Variants in PCDHGB3 observed in about 807,000 individuals in gnomAD.
PCDHGB3 encodes protocadherin gamma subfamily B, 3, also known as protocadherin gamma-B3.
In PCDHGB3, 40 loss-of-function variants were observed where a neutral mutation model predicts 59.2. The ratio of observed to expected loss-of-function variants is 0.68; its 90% confidence interval spans 0.52 to 0.88. The LOEUF is 0.88. PCDHGB3 is among the 40% of genes least tolerant of loss of function. PCDHGB3 has a pLI of 0.00. For missense variants in PCDHGB3, 1,309 were observed against 1,187.9 expected (o/e 1.10, Z -1.50); for synonymous variants, 581 against 503.6 (o/e 1.15, Z -2.06).
chr5:141,433,564 G>A (rs1380905062), intron 1 of PCDHGB3, among the ~76,000 whole-genome samples: 1 of 152,042 alleles, frequency 6.6e-6, no homozygotes, highest in Non-Finnish European at 1.5e-5. Flanking sequence ...GGCTGGGCGC[G>A]GTGGCTCACG....
intron 1 of PCDHGB3, chr5:141,400,525 G>T: frequency 1.2e-6 from 2 of 1,613,908 alleles, no homozygotes; most frequent in Non-Finnish European, 1.7e-6. Flanking sequence ...TCCTGAGTTG[G>T]TGAGTTTCAT....
Position 141,490,151 on chromosome 5 carries a change from T to A in PCDHGB3, c.2416-4656T>A, listed in dbSNP as rs1449636059. 6.2e-6 allele frequency: 10 copies of A among 1,614,210 alleles called. No homozygotes were observed. The highest frequency in any genetic ancestry group is 8.5e-6 in the Non-Finnish European group (10 of 1,180,018). On this transcript the variant is annotated intron_variant, in intron 1 of 3. Transcript: ENST00000576222. This position sits in a 1 kb window ranked among gnomAD's most constrained non-coding sequence, Gnocchi z 5.4. ...GACCCTAGCAGTGGGGCAATCCATG[T>A]GTTGGGTCCCATAGACTTTGAGGAG... is the stretch of plus-strand genomic sequence containing the variant.
At chr5:141,465,144 T>A (rs965605798) in intron 1 of PCDHGB3, among the ~76,000 whole-genome samples, 4 of 152,008 alleles carry the variant, frequency 2.6e-5, no homozygotes, top group Admixed American at 6.6e-5. Flanking sequence ...TTAGGGGATA[T>A]ATGAAGGGAC....
Position 141,432,587 on chromosome 5 carries a change from A to C in PCDHGB3, c.2415+59778A>C. ...CGCCTGGCTGTCCTACCGTCTGCTC[A>C]AGGCCAGCGAGCCGGGACTCTTCTC... On this transcript the variant is annotated intron_variant, in intron 1 of 3. Transcript: ENST00000576222. This position sits in a 1 kb window ranked among gnomAD's most constrained non-coding sequence, Gnocchi z 6.0. 1.9e-6 allele frequency: 3 copies of C among 1,613,250 alleles called. No individual in the cohort carries two copies. Among genetic ancestry groups the C allele is most frequent in the Non-Finnish European group, 2.5e-6 (3 of 1,179,918 alleles).
At chr5:141,428,185 G>A (rs775261215) in intron 1 of PCDHGB3, 1 of 1,446,348 alleles carries the variant, frequency 6.9e-7, no homozygotes, top group Admixed American at 1.8e-5. Context: ...GAGGACAGCC[G>A]CCGCTCTCTG....
intron 1 of PCDHGB3, among the ~76,000 whole-genome samples, chr5:141,401,895 T>C (rs184400858): frequency 3.8e-4 from 58 of 152,342 alleles, no homozygotes; most frequent in African/African-American, 1.1e-3. Context: ...GTGTTCTTTT[T>C]CCCAAATTAT....
intron 1 of PCDHGB3, chr5:141,410,478 C>G (rs767257836): frequency 6.2e-7 from 1 of 1,613,992 alleles, no homozygotes; most frequent in Non-Finnish European, 8.5e-7. Context: ...ATTGCACATA[C>G]GGGTACAAAA....
At chr5:141,442,754 T>C (rs2098341364) in intron 1 of PCDHGB3, among the ~76,000 whole-genome samples, 1 of 152,220 alleles carries the variant, frequency 6.6e-6, no homozygotes, top group Non-Finnish European at 1.5e-5. Flanking sequence ...GTTTTGATTA[T>C]ATATATTTGT....
rs779391932 is a variant in PCDHGB3, at chr5:141,419,996, C to T, written c.2415+47187C>T. Reference sequence around the variant, plus strand: ...CCTCGCGGTGATTCTAGCTATTGCTCTACGCCTGCGACAGTCTTTCAGCCC... The same window carrying T: ...CCTCGCGGTGATTCTAGCTATTGCTTTACGCCTGCGACAGTCTTTCAGCCC... On this transcript the variant is annotated intron_variant, in intron 1 of 3. Coordinates refer to ENST00000576222, the MANE Select transcript of PCDHGB3 (RefSeq NM_018924.5). 10 of 1,613,966 alleles carry T rather than the reference C, an allele frequency of 6.2e-6. No homozygotes were observed. In the East Asian group the frequency reaches 2.2e-4, roughly 36 times the overall value.
intron 3 of PCDHGB3, 46 bp downstream of exon 3, chr5:141,505,527 T>C: frequency 6.2e-7 from 1 of 1,612,388 alleles, no homozygotes; most frequent in Non-Finnish European, 8.5e-7. Context: ...GACCTGGGGT[T>C]CTGGGGTGCA....
intron 1 of PCDHGB3, chr5:141,389,158 G>C (rs774342496): frequency 5.6e-6 from 9 of 1,613,968 alleles, no homozygotes; most frequent in Non-Finnish European, 7.6e-6. Context: ...GCAACAGATC[G>C]GGGCAAGCCT....
At chr5:141,466,545 T>C (rs2099124777) in intron 1 of PCDHGB3, among the ~76,000 whole-genome samples, 1 of 152,216 alleles carries the variant, frequency 6.6e-6, no homozygotes. Flanking sequence ...AGATGGTCTT[T>C]TGCTGTGGGC....
At chr5:141,471,046 C>CT (rs1170588345) in intron 1 of PCDHGB3, among the ~76,000 whole-genome samples, 3,156 of 113,234 alleles carry the variant, frequency 0.028, 57 homozygotes, top group African/African-American at 0.046. Context: ...CCCAAGCCCT[C>CT]TTTTTTTTTT....
intron 2 of PCDHGB3, among the ~76,000 whole-genome samples, chr5:141,498,795 T>C (rs2099785702): frequency 6.6e-6 from 1 of 152,032 alleles, no homozygotes; most frequent in Admixed American, 6.6e-5. Context: ...TAGCCAGGTG[T>C]GGTGGTGCAC....
At position 141,485,398 on chromosome 5, in the gene PCDHGB3, C is replaced by T. The variant is rs906016330; in HGVS notation, c.2416-9409C>T. The T allele has an allele frequency of 1.3e-5, 21 of 1,614,044 alleles. No individual in the cohort carries two copies. The highest frequency in any genetic ancestry group is 1.8e-5 in the Non-Finnish European group (21 of 1,179,928). On this transcript the variant is annotated intron_variant, in intron 1 of 3. Coordinates refer to ENST00000576222, the MANE Select transcript of PCDHGB3 (RefSeq NM_018924.5). This position sits in a 1 kb window ranked among gnomAD's most constrained non-coding sequence, Gnocchi z 5.7. ...CTGGAGAGGTGAACCAAAGACACTT[C>T]CGTGTGGATTTGGACAGCGGAGCCC...
chr5:141,476,766 T>C lies in PCDHGB3; in HGVS notation c.2416-18041T>C. ...AGTCTCCAGTTAGTGCTGACGGCGT[T>C]GGACGGAGGGACCCCAGCTCTCTCC... On this transcript the variant is annotated intron_variant, in intron 1 of 3. Coordinates refer to ENST00000576222, the MANE Select transcript of PCDHGB3 (RefSeq NM_018924.5). This position sits in a 1 kb window ranked among gnomAD's most constrained non-coding sequence, Gnocchi z 7.6. The C allele has an allele frequency of 1.9e-6, 3 of 1,613,626 alleles. No individual in the cohort carries two copies. The highest frequency in any genetic ancestry group is 2.5e-6 in the Non-Finnish European group (3 of 1,179,952).
In PCDHGB3 at chr5:141,390,041, C is replaced by A. The variant is rs373243233; in HGVS notation, c.2415+17232C>A. On this transcript the variant is annotated intron_variant, in intron 1 of 3. Coordinates refer to ENST00000576222, the MANE Select transcript of PCDHGB3 (RefSeq NM_018924.5). ...TGCGCCTGCGACGCTCCTCCAGCCC[C>A]GCCTCCTGGAGCTGCTTCCAGCCTG... is the stretch of plus-strand genomic sequence containing the variant. The A allele has an allele frequency of 3.7e-6, 6 of 1,613,940 alleles. No homozygotes were observed. In the African/African-American group the frequency reaches 8.0e-5, roughly 22 times the overall value.
chr5:141,491,454 C>G lies in PCDHGB3; in HGVS notation c.2416-3353C>G. ...GCTGCAGGCGCCAGGACTCACCCTCCCCGGACTTCTATAAGCAGTCCAGCC... is the reference window on the plus strand; with the variant it reads ...GCTGCAGGCGCCAGGACTCACCCTCGCCGGACTTCTATAAGCAGTCCAGCC... On this transcript the variant is annotated intron_variant, in intron 1 of 3. Coordinates refer to ENST00000576222, the MANE Select transcript of PCDHGB3 (RefSeq NM_018924.5). This position sits in a 1 kb window ranked among gnomAD's most constrained non-coding sequence, Gnocchi z 6.9. The G allele has an allele frequency of 6.2e-7, 1 of 1,614,120 alleles. No individual in the cohort carries two copies. Among genetic ancestry groups the G allele is most frequent in the Non-Finnish European group, 8.5e-7 (1 of 1,180,032 alleles).
In PCDHGB3 at chr5:141,486,587, G is replaced by A. The variant is rs2099631441; in HGVS notation, c.2416-8220G>A. 6.2e-7 allele frequency: 1 copy of A among 1,613,478 alleles called. No homozygotes were observed. The highest frequency in any genetic ancestry group is 1.7e-5 in the Admixed American group (1 of 60,014). On this transcript the variant is annotated intron_variant, in intron 1 of 3. Coordinates refer to ENST00000576222, the MANE Select transcript of PCDHGB3 (RefSeq NM_018924.5). The surrounding 1 kb of genome is among the most constrained non-coding windows in gnomAD (Gnocchi z 5.0). ...TGTTCCTGAGAACAATCGCCCAGGGGACCTGCTTTGCTCCCTTGCAGCCTC... is the reference window on the plus strand; with the variant it reads ...TGTTCCTGAGAACAATCGCCCAGGGAACCTGCTTTGCTCCCTTGCAGCCTC...
Sources: allele counts gnomAD v4.1 joint callset (sites outside exome capture counted in the v4.1 genomes callset), GRCh38; gene constraint gnomAD v4.1.1; non-coding constraint Gnocchi (gnomAD v3.1); transcripts MANE v1.5; gene names NCBI Gene and HGNC (gene_info 2026-07-23, HGNC 2026-07-21).